Variants in GRID2 observed in about 807,000 individuals in gnomAD.
GRID2 encodes glutamate ionotropic receptor delta type subunit 2.
A neutral mutation model predicts 114.8 loss-of-function variants in GRID2; 33 were observed. The ratio of observed to expected loss-of-function variants is 0.29; its 90% CI spans 0.22 to 0.38. The LOEUF is 0.38. GRID2 is among the 10% of genes least tolerant of loss of function. The probability of loss-of-function intolerance (pLI) is 1.00; values close to 1 mark genes in which losing one functional copy is unlikely to be tolerated. For synonymous variants in GRID2, 505 were observed against 449.9 expected (o/e 1.12, Z -1.55); for missense variants, 1,184 against 1,257.7 (o/e 0.94, Z 0.89).
intron 2 of GRID2, among the ~76,000 whole-genome samples, chr4:92,982,725 T>C (rs1578670480): frequency 1.3e-5 from 2 of 152,120 alleles, no homozygotes; most frequent in African/African-American, 4.8e-5. Context: ...TGCTTTTTCA[T>C]AGTTCTTTGG....
chr4:93,281,011 A>C (rs764847322), intron 8 of GRID2, among the ~76,000 whole-genome samples: 68 of 151,920 alleles, frequency 4.5e-4, no homozygotes, highest in Non-Finnish European at 6.5e-4. Context: ...ACAGACAAAT[A>C]AAATTTACAC....
intron 2 of GRID2, among the ~76,000 whole-genome samples, chr4:92,715,905 T>C (rs28460491): frequency 1.3e-5 from 2 of 152,132 alleles, no homozygotes; most frequent in Non-Finnish European, 1.5e-5. Context: ...TTTACTGATA[T>C]GGAGTGGATA....
At position 93,618,132 on chromosome 4, in the gene GRID2, A is replaced by T. The variant is rs1215830054; in HGVS notation, c.2194-8137A>T. 4.6e-5 allele frequency among the ~76,000 whole-genome samples: 7 copies of T among 152,164 alleles called. No homozygotes were observed. The South Asian group carries it at 1.0e-3, about 22-fold the overall frequency. ...AGCTCTTCCTATTAAGCTTACATTT[A>T]TGAGCATTTCCGTCAATTCATCTAT... On this transcript the variant is annotated intron_variant, in intron 13 of 15. Coordinates refer to ENST00000282020, the MANE Select transcript of GRID2 (RefSeq NM_001510.4).
At chr4:93,424,772 C>G (rs1768675976) in intron 10 of GRID2, among the ~76,000 whole-genome samples, 1 of 151,970 alleles carries the variant, frequency 6.6e-6, no homozygotes, top group South Asian at 2.1e-4. Context: ...TTTCCTTTCT[C>G]TTCTTGATTT....
At chr4:92,905,128 A>G (rs1046497379) in intron 2 of GRID2, among the ~76,000 whole-genome samples, 1 of 152,004 alleles carries the variant, frequency 6.6e-6, no homozygotes, top group East Asian at 1.9e-4. Flanking sequence ...TTAAGAAATG[A>G]TATTTATTTC....
intron 1 of GRID2, among the ~76,000 whole-genome samples, chr4:92,372,011 G>T (rs979897644): frequency 6.6e-6 from 1 of 152,150 alleles, no homozygotes; most frequent in Non-Finnish European, 1.5e-5. Context: ...CACTACAAAT[G>T]TGGTAGAATC....
chr4:93,026,463 C>G (rs879102850), intron 2 of GRID2, among the ~76,000 whole-genome samples: 2 of 151,722 alleles, frequency 1.3e-5, no homozygotes, highest in Non-Finnish European at 3.0e-5. Flanking sequence ...TTTCTTATTA[C>G]TATGATTTTT....
chr4:93,656,442 AATT>A (rs143277585), intron 14 of GRID2, among the ~76,000 whole-genome samples: 18,038 of 152,040 alleles, frequency 0.12, 1,108 homozygotes, highest in Middle Eastern at 0.14. Context: ...ATTTTTGAAA[AATT>A]ATTGTCAGCT....
chr4:93,631,284 G>A (rs368946182), intron 14 of GRID2, among the ~76,000 whole-genome samples: 1 of 151,676 alleles, frequency 6.6e-6, no homozygotes, highest in East Asian at 2.0e-4. Flanking sequence ...TGTTACATAT[G>A]TATACATGTG....
chr4:93,111,751 CT>C (rs9307121), intron 4 of GRID2, among the ~76,000 whole-genome samples: 1,376 of 131,344 alleles, frequency 0.01, 11 homozygotes, highest in African/African-American at 0.021. Context: ...TTGTTTAATA[CT>C]TTTTTTTTTT....
intron 11 of GRID2, among the ~76,000 whole-genome samples, chr4:93,475,604 C>A: frequency 6.6e-6 from 1 of 152,122 alleles, no homozygotes; most frequent in East Asian, 1.9e-4. Flanking sequence ...CCTTTTAGAA[C>A]TAATGACATA....
intron 4 of GRID2, among the ~76,000 whole-genome samples, chr4:93,183,643 G>A (rs1037514869): frequency 3.9e-5 from 6 of 152,110 alleles, no homozygotes; most frequent in Non-Finnish European, 8.8e-5. Context: ...CTGTTCTCCA[G>A]GATTCTATAA....
chr4:92,937,130 G>A (rs921065901), intron 2 of GRID2, among the ~76,000 whole-genome samples: 2 of 146,284 alleles, frequency 1.4e-5, no homozygotes, highest in African/African-American at 4.9e-5. Flanking sequence ...TATGTGGCTT[G>A]TCTTTCTCTT....
At chr4:93,107,539 A>T (rs979993814) in intron 3 of GRID2, among the ~76,000 whole-genome samples, 1 of 152,128 alleles carries the variant, frequency 6.6e-6, no homozygotes, top group South Asian at 2.1e-4. Context: ...CAATTTATTT[A>T]TTAAAAAAAT....
chr4:92,486,879 G>C (rs1306451290), intron 1 of GRID2, among the ~76,000 whole-genome samples: 1 of 151,928 alleles, frequency 6.6e-6, no homozygotes, highest in Admixed American at 6.6e-5. Flanking sequence ...CAATGATACA[G>C]CTCAGAGATA....
intron 14 of GRID2, among the ~76,000 whole-genome samples, chr4:93,687,460 T>C (rs1242999474): frequency 6.6e-6 from 1 of 151,990 alleles, no homozygotes; most frequent in Non-Finnish European, 1.5e-5. Context: ...AAGGCTGAGC[T>C]TTAAGGCATT....
intron 8 of GRID2, among the ~76,000 whole-genome samples, chr4:93,363,071 T>C (rs1296215790): frequency 2.0e-5 from 3 of 151,882 alleles, no homozygotes; most frequent in Non-Finnish European, 4.4e-5. Context: ...AATACAAAAA[T>C]TATCTGGGCA....
intron 2 of GRID2, among the ~76,000 whole-genome samples, chr4:92,590,849 T>C (rs921070852): frequency 6.6e-6 from 1 of 152,218 alleles, no homozygotes; most frequent in Non-Finnish European, 1.5e-5. Flanking sequence ...ATTAAATTTT[T>C]TCATTGGTGC....
At chr4:93,331,883 C>A (rs1433925750) in intron 8 of GRID2, among the ~76,000 whole-genome samples, 2 of 152,116 alleles carry the variant, frequency 1.3e-5, no homozygotes, top group East Asian at 3.9e-4. Context: ...TCAGTTCTTC[C>A]TCTTTATGGA....
Sources: gnomAD v4.1 joint callset for allele counts (sites outside exome capture counted in the v4.1 genomes callset) on GRCh38, gnomAD v4.1.1 for gene constraint, MANE v1.5 for transcripts, NCBI Gene and HGNC (gene_info 2026-07-23, HGNC 2026-07-21) for gene names.